Variants in CCDC180 observed in about 807,000 individuals in gnomAD.
CCDC180 encodes coiled-coil domain containing 180.
Under a neutral mutation model 209.2 loss-of-function variants are expected in CCDC180, and 154 were observed. The observed-to-expected ratio is 0.74, with a 90% CI of 0.65 to 0.84. The LOEUF is 0.84. Ranked by LOEUF, CCDC180 falls within the 40% of genes least tolerant of loss-of-function variation. CCDC180 has a pLI of 0.00. For missense variants in CCDC180, 1,874 were observed against 1,997.3 expected, an observed-to-expected ratio of 0.94 and a Z score of 1.18; for synonymous variants, 778 against 749.1, an observed-to-expected ratio of 1.04 and a Z score of -0.63.
rs370522524 is a variant in CCDC180 at position 97,330,783 on chromosome 9, A to T, written c.2274+16A>T. On this transcript the variant is annotated intron_variant, in intron 18 of 36. Coordinates refer to ENST00000529487, the MANE Select transcript of CCDC180 (RefSeq NM_020893.6). Reference sequence around the variant, plus strand: ...TGTGGGTGAGGTAAGCCAGCAACTGATTCATTCTTGGGCATAGAGAAAGTT... The same window carrying T: ...TGTGGGTGAGGTAAGCCAGCAACTGTTTCATTCTTGGGCATAGAGAAAGTT... The T allele has an allele frequency of 6.3e-6, 10 of 1,584,364 alleles. No homozygotes were observed. The highest frequency in any genetic ancestry group is 1.7e-4 in the Middle Eastern group (1 of 5,952).
At chr9:97,367,022 A>C (rs750921118) in intron 31 of CCDC180, among the ~76,000 whole-genome samples, 30 of 152,162 alleles carry the variant, frequency 2.0e-4, no homozygotes, top group Admixed American at 9.2e-4. Context: ...TAGTGTACTC[A>C]ATGTGGTTTT....
In CCDC180 at chr9:97,307,965, G is replaced by C; in HGVS notation, c.-81-18G>C. On this transcript the variant is annotated intron_variant, in intron 1 of 36. Coordinates refer to ENST00000529487, the MANE Select transcript of CCDC180 (RefSeq NM_020893.6). ...GGACCTGAACCTGAGTTTGGGACGG[G>C]CGATTTCCCAACCTCAGGAATTGGA... The C allele has an allele frequency of 6.3e-7, 1 of 1,584,202 alleles. No homozygotes were observed. Among genetic ancestry groups the C allele is most frequent in the Non-Finnish European group, 8.6e-7 (1 of 1,163,420 alleles).
At chr9:97,367,696 A>C (rs1003015018) in intron 31 of CCDC180, among the ~76,000 whole-genome samples, 12 of 151,586 alleles carry the variant, frequency 7.9e-5, no homozygotes, top group Admixed American at 5.9e-4. Context: ...CTGATCTCGA[A>C]CTCCTGACCT....
intron 8 of CCDC180, 45 bp from the exon 9 acceptor site, chr9:97,317,020 G>A (rs781151935): frequency 6.5e-7 from 1 of 1,549,186 alleles, no homozygotes; most frequent in East Asian, 2.3e-5. Flanking sequence ...CCTGACCCGA[G>A]AGAGACCCTG....
intron 18 of CCDC180, among the ~76,000 whole-genome samples, chr9:97,331,640 C>G (rs1825757442): frequency 6.6e-6 from 1 of 152,172 alleles, no homozygotes; most frequent in Admixed American, 6.5e-5. Flanking sequence ...ATTTGCATTT[C>G]TCTAATGATT....
rs754563877 is a variant in CCDC180 at position 97,312,160 on chromosome 9, C to T, written c.308C>T (p.Thr103Ile). 3 of 1,613,950 alleles carry T rather than the reference C, an allele frequency of 1.9e-6. No homozygotes were observed. Among genetic ancestry groups the T allele is most frequent in the Non-Finnish European group, 2.5e-6 (3 of 1,179,834 alleles). ...KREKARESEN[T>I]IAAREVRGLM... ...GAAAAAGCCCGAGAGAGTGAGAACA[C>T]CATCGCTGCCCGAGAAGTGCGGGGT... The change falls in exon 4 of 37, where the codon ACC (threonine) becomes ATC (isoleucine). Residue 103 changes from threonine to isoleucine, a missense_variant. By Grantham distance (89) the Thr-to-Ile change is moderately conservative (BLOSUM62 -1). Coordinates refer to ENST00000529487, the MANE Select transcript of CCDC180 (RefSeq NM_020893.6).
intron 19 of CCDC180, 46 bp from the exon 20 acceptor site, chr9:97,347,268 G>A (rs1047896351): frequency 1.3e-6 from 2 of 1,526,350 alleles, no homozygotes; most frequent in African/African-American, 2.7e-5. Context: ...ACCTCTCATG[G>A]GTCATGATTG....
chr9:97,323,840 GTTC>G lies in CCDC180; in HGVS notation c.1315_1317del (p.Phe439del), dbSNP rs762943699. The G allele has an allele frequency of 1.3e-5, 20 of 1,556,344 alleles. No homozygotes were observed. The South Asian group carries it at 1.9e-4, about 15-fold the overall frequency. On this transcript the variant is annotated inframe_deletion, in exon 13 of 37. Transcript: ENST00000529487. ...AGGAGGCAGAGACCCTGGTGAACCA[GTTC>G]TTCTTCCAGATGGTGGGAGCACTCC...
At chr9:97,356,910 G>A (rs1330645554) in intron 24 of CCDC180, among the ~76,000 whole-genome samples, 2 of 152,206 alleles carry the variant, frequency 1.3e-5, no homozygotes, top group East Asian at 1.9e-4. Context: ...TACATGAAAA[G>A]ATGGGGATAT....
At chr9:97,313,714 C>T (rs1833065726) in intron 5 of CCDC180, among the ~76,000 whole-genome samples, 1 of 152,212 alleles carries the variant, frequency 6.6e-6, no homozygotes, top group Non-Finnish European at 1.5e-5. Context: ...CAGAATGGCA[C>T]ACCCCTTGCT....
intron 10 of CCDC180, among the ~76,000 whole-genome samples, 165 bp downstream of exon 10, chr9:97,318,747 A>G (rs934922364): frequency 6.6e-6 from 1 of 152,258 alleles, no homozygotes; most frequent in Admixed American, 6.5e-5. Flanking sequence ...CCCCACTCAC[A>G]AGAAAGGCCA....
chr9:97,348,989 C>A, intron 20 of CCDC180, 122 bp from the exon 21 acceptor site: 1 of 929,120 alleles, frequency 1.1e-6, no homozygotes, highest in Non-Finnish European at 1.6e-6. Flanking sequence ...GGGGCCTTGA[C>A]CTGAATTGTT....
At chr9:97,321,233 A>G (rs138508609) in intron 11 of CCDC180, among the ~76,000 whole-genome samples, 2 of 152,350 alleles carry the variant, frequency 1.3e-5, no homozygotes, top group African/African-American at 4.8e-5. Context: ...TTTTCAGCTT[A>G]TGGTGGATTT....
chr9:97,314,170 A>G (rs1238637049), intron 5 of CCDC180, among the ~76,000 whole-genome samples: 4 of 152,234 alleles, frequency 2.6e-5, no homozygotes, highest in East Asian at 1.9e-4. Context: ...TCAGCAGCCA[A>G]TTCAAAGACT....
At chr9:97,358,626 C>T (rs1239738042) in intron 25 of CCDC180, among the ~76,000 whole-genome samples, 1 of 152,164 alleles carries the variant, frequency 6.6e-6, no homozygotes, top group African/African-American at 2.4e-5. Context: ...GCACACCCTT[C>T]AATGATGGGG....
chr9:97,371,553 GA>G, intron 33 of CCDC180, 41 bp from the exon 34 acceptor site: 1 of 1,339,480 alleles, frequency 7.5e-7, no homozygotes, highest in Non-Finnish European at 1.1e-6. Context: ...TTGGAGGGAT[GA>G]TCCTCTCCTA....
rs67153822 is a variant in CCDC180 at position 97,370,950 on chromosome 9, C to CTTTTTT, written c.4488+191_4488+196dup. 246 of 115,116 alleles carry CTTTTTT rather than the reference C, an allele frequency of 2.1e-3. 9 individuals carry two copies. The highest frequency in any genetic ancestry group is 8.9e-3 in the African/African-American group (182 of 20,382). The allele number at this position is 115,116 out of a possible 1,614,324, so 7.1% of individuals were successfully genotyped here. A position where few individuals can be genotyped will look rare whatever the true frequency, so the allele number is the denominator to read the frequency against. Reference sequence around the variant, plus strand: ...ATTATTGGCTGTTTTAACTTGTATACTTTTTTTTTTTTTTTTTTTTTTTTG... The same window carrying CTTTTTT: ...ATTATTGGCTGTTTTAACTTGTATACTTTTTTTTTTTTTTTTTTTTTTTTTTTTTTG... On this transcript the variant is annotated intron_variant, in intron 33 of 36. Transcript: ENST00000529487.
Position 97,318,318 on chromosome 9 carries a change from A to C in CCDC180, c.960-145A>C. 10 of 783,404 alleles carry C rather than the reference A, an allele frequency of 1.3e-5. No homozygotes were observed. The East Asian group carries it at 1.3e-4, about 10-fold the overall frequency. 48.5% of individuals were successfully genotyped at this position (783,404 alleles called of 1,614,324 possible). On this transcript the variant is annotated intron_variant, in intron 9 of 36. Coordinates refer to ENST00000529487, the MANE Select transcript of CCDC180 (RefSeq NM_020893.6). The stretch of plus-strand genomic sequence containing the variant: ...TTCTTTAGGGTCCTAGAGAAGAGGC[A>C]AAGTCTGGGGAGGAAGGGGCTGGGG...
rs1474081741 is a variant in CCDC180, at chr9:97,361,905, G to T, written c.3656+7G>T. ...TGATCAGGAAGCTCCTGCAGTGAGT[G>T]GCCCCAGGGTGCACCTAAGGCTCTG... On this transcript the variant is annotated splice_region_variant and intron_variant, in intron 27 of 36. Transcript: ENST00000529487. The T allele has an allele frequency of 6.2e-7, 1 of 1,613,266 alleles. No homozygotes were observed. Among genetic ancestry groups the T allele is most frequent in the South Asian group, 1.1e-5 (1 of 91,012 alleles).
Sources: allele counts gnomAD v4.1 joint callset (sites outside exome capture counted in the v4.1 genomes callset), GRCh38; gene constraint gnomAD v4.1.1; transcripts MANE v1.5; gene names NCBI Gene and HGNC (gene_info 2026-07-23, HGNC 2026-07-21).